Variants in CSNK2A1 observed in about 807,000 individuals in gnomAD.
CSNK2A1 encodes the protein casein kinase II subunit alpha.
In CSNK2A1, 10 loss-of-function variants were observed where a neutral mutation model predicts 62.9. The observed-to-expected ratio is 0.16, with a 90% CI of 0.10 to 0.27. CSNK2A1 has a LOEUF of 0.27. Among genes scored for constraint, CSNK2A1 ranks in the 10% least tolerant of loss-of-function variants. CSNK2A1 has a pLI of 1.00. For synonymous variants in CSNK2A1, 124 were observed against 167.8 expected (o/e 0.74, Z 2.02); for missense variants, 160 against 492.0 (o/e 0.33, Z 6.38).
Position 483,084 on chromosome 20 carries a change from CTAAA to C in CSNK2A1, c.*873_*876del, listed in dbSNP as rs1193777299. ...AAAAGCAGTAAGTTATGCCCAGTAA[CTAAA>C]TGAATTCAAAATGGCCAAGACAAAG... On this transcript the variant is annotated 3_prime_UTR_variant, in exon 14 of 14. Coordinates refer to ENST00000217244, the MANE Select transcript of CSNK2A1 (RefSeq NM_177559.3). 5.3e-5 allele frequency: 8 copies of C among 152,164 alleles called. No homozygotes were observed. Among genetic ancestry groups the C allele is most frequent in the Non-Finnish European group, 8.8e-5 (6 of 68,036 alleles). 9.4% of individuals were successfully genotyped at this position (152,164 alleles called of 1,614,324 possible). A position where few individuals can be genotyped will look rare whatever the true frequency, so the allele number is the denominator to read the frequency against.
chr20:507,938 T>C (rs1270608486), intron 3 of CSNK2A1: 1 of 152,380 alleles, frequency 6.6e-6, no homozygotes, highest in Non-Finnish European at 1.5e-5. Context: ...CAAACCTACA[T>C]GGTATGGCAT....
At chr20:484,247 G>C (rs763232827) in intron 13 of CSNK2A1, among the ~76,000 whole-genome samples, 171 bp from the exon 14 acceptor site, 15 of 152,198 alleles carry the variant, frequency 9.9e-5, no homozygotes. Flanking sequence ...AGTTAAAGTG[G>C]CAAGTCCTAA....
intron 3 of CSNK2A1, chr20:507,314 A>G (rs1445013093): frequency 6.6e-6 from 1 of 152,194 alleles, no homozygotes; most frequent in African/African-American, 2.4e-5. Flanking sequence ...AATACGCCCT[A>G]TGACAATTTA....
chr20:533,700 T>C (rs2019258292), intron 1 of CSNK2A1, among the ~76,000 whole-genome samples: 1 of 152,210 alleles, frequency 6.6e-6, no homozygotes, highest in Non-Finnish European at 1.5e-5. Flanking sequence ...CAGAAAACAT[T>C]AGCATTTGGG....
intron 7 of CSNK2A1, chr20:496,434 A>G (rs2018347977): frequency 6.6e-6 from 1 of 152,558 alleles, no homozygotes; most frequent in Non-Finnish European, 1.5e-5. Flanking sequence ...ATCAAATCCA[A>G]TCTGAAATGT....
chr20:538,071 T>C (rs1442333190), intron 1 of CSNK2A1, among the ~76,000 whole-genome samples: 1 of 151,944 alleles, frequency 6.6e-6, no homozygotes, highest in East Asian at 1.9e-4. Flanking sequence ...GTTCAAGTGA[T>C]TCTCAGCCTC....
chr20:524,882 G>A (rs191460310), intron 2 of CSNK2A1, among the ~76,000 whole-genome samples: 41 of 152,210 alleles, frequency 2.7e-4, no homozygotes, highest in Admixed American at 1.2e-3. Flanking sequence ...TTGGGAGACT[G>A]AAGAGGAAAG....
intron 2 of CSNK2A1, 124 bp downstream of exon 2, chr20:527,809 G>A (rs1341587112): frequency 2.0e-5 from 3 of 152,086 alleles, no homozygotes; most frequent in African/African-American, 7.2e-5. Flanking sequence ...AAAGTGCTAG[G>A]GTTACAGGCA....
intron 7 of CSNK2A1, among the ~76,000 whole-genome samples, chr20:497,078 T>G (rs2018360564): frequency 6.6e-6 from 1 of 152,206 alleles, no homozygotes; most frequent in Admixed American, 6.5e-5. Context: ...TTTTTCAAAT[T>G]GTTCTAAATT....
chr20:510,866 G>T (rs2018704979), intron 2 of CSNK2A1, among the ~76,000 whole-genome samples: 1 of 151,856 alleles, frequency 6.6e-6, no homozygotes, highest in Non-Finnish European at 1.5e-5. Context: ...ACAGGCGTGG[G>T]CTACCACAGC....
chr20:543,763 C>T lies in CSNK2A1; in HGVS notation c.-318G>A. 1 of 398,428 alleles carries T rather than the reference C, an allele frequency of 2.5e-6. No homozygotes were observed. The highest frequency in any genetic ancestry group is 4.4e-6 in the Non-Finnish European group (1 of 225,972). The allele number at this position is 398,428 out of a possible 1,614,324, so 24.7% of individuals were successfully genotyped here. On this transcript the variant is annotated 5_prime_UTR_variant, in exon 1 of 14. Coordinates refer to ENST00000217244, the MANE Select transcript of CSNK2A1 (RefSeq NM_177559.3). ...TGGAGGAGGAGACACACGGCTCGGC[C>T]GCCAGCCGCAGGGACCAGAGCGAGG...
intron 1 of CSNK2A1, chr20:541,126 C>T (rs73892448): frequency 0.041 from 6,263 of 152,302 alleles, 173 homozygotes; most frequent in South Asian, 0.051. Context: ...GAGTCCTTCT[C>T]ATGCTTCAAA....
rs2017968553 is a variant in CSNK2A1, at chr20:482,219, A to G, written c.*1742T>C. 1 of 152,216 alleles carries G rather than the reference A, an allele frequency of 6.6e-6. No individual in the cohort carries two copies. Among genetic ancestry groups the G allele is most frequent in the Non-Finnish European group, 1.5e-5 (1 of 68,026 alleles). The allele number at this position is 152,216 out of a possible 1,614,324, so 9.4% of individuals were successfully genotyped here. ...CTATAAGGTAGGAGAATGGGGAACT[A>G]AGATTTTAGGCCTTAAAATATGTTG... On this transcript the variant is annotated 3_prime_UTR_variant, in exon 14 of 14. Coordinates refer to ENST00000217244, the MANE Select transcript of CSNK2A1 (RefSeq NM_177559.3).
intron 10 of CSNK2A1, 121 bp from the exon 11 acceptor site, chr20:488,899 C>T (rs2018157332): frequency 1.2e-6 from 1 of 862,052 alleles, no homozygotes; most frequent in Non-Finnish European, 1.8e-6. Flanking sequence ...ATGCTACCTC[C>T]TAACAGTTTA....
At position 485,935 on chromosome 20, in the gene CSNK2A1, T is replaced by C. The variant is rs184039028; in HGVS notation, c.1060+441A>G. On this transcript the variant is annotated intron_variant, in intron 13 of 13. Coordinates refer to ENST00000217244, the MANE Select transcript of CSNK2A1 (RefSeq NM_177559.3). ...ATCCAATAATGGAAAACCATTTTACTTATGTTTTTACAACTGATAGGCACT... is the reference window on the plus strand; with the variant it reads ...ATCCAATAATGGAAAACCATTTTACCTATGTTTTTACAACTGATAGGCACT... Among the ~76,000 whole-genome samples the C allele has an allele frequency of 5.9e-5, 9 of 152,350 alleles. No individual in the cohort carries two copies. In the East Asian group the frequency reaches 1.7e-3, roughly 29 times the overall value.
rs1345818545 is a variant in CSNK2A1, at chr20:482,187, T to A, written c.*1774A>T. ...CTATGATGCCTAGGCGAGAAAGGCCTGTGAATCTATAAGGTAGGAGAATGG... is the reference window on the plus strand; with the variant it reads ...CTATGATGCCTAGGCGAGAAAGGCCAGTGAATCTATAAGGTAGGAGAATGG... On this transcript the variant is annotated 3_prime_UTR_variant, in exon 14 of 14. Transcript: ENST00000217244. 2 of 152,202 alleles carry A rather than the reference T, an allele frequency of 1.3e-5. No homozygotes were observed. Among genetic ancestry groups the A allele is most frequent in the African/African-American group, 4.8e-5 (2 of 41,448 alleles). 9.4% of individuals were successfully genotyped at this position (152,202 alleles called of 1,614,324 possible).
At chr20:500,187 T>A (rs1270108224) in intron 4 of CSNK2A1, 1 of 444,354 alleles carries the variant, frequency 2.3e-6, no homozygotes, top group Non-Finnish European at 4.1e-6. Flanking sequence ...GAATTAGCAT[T>A]TCAATCATCA....
At chr20:496,806 G>A (rs1355998419) in intron 7 of CSNK2A1, 1 of 152,270 alleles carries the variant, frequency 6.6e-6, no homozygotes, top group Admixed American at 6.5e-5. Flanking sequence ...GATATTTGGT[G>A]ACCCCACTTT....
intron 2 of CSNK2A1, among the ~76,000 whole-genome samples, chr20:525,675 A>AT (rs2019069154): frequency 1.3e-5 from 2 of 148,774 alleles, no homozygotes; most frequent in South Asian, 4.2e-4. Flanking sequence ...AAAGAAAAAA[A>AT]AAATAATAAT....
Sources: allele counts gnomAD v4.1 joint callset (sites outside exome capture counted in the v4.1 genomes callset), GRCh38; gene constraint gnomAD v4.1.1; transcripts MANE v1.5; gene names NCBI Gene and HGNC (gene_info 2026-07-23, HGNC 2026-07-21).